Variants in ATP6V1B1 observed in about 807,000 individuals in gnomAD.
ATP6V1B1 encodes V-type proton ATPase subunit B, kidney isoform.
Under a neutral mutation model 62.1 loss-of-function variants are expected in ATP6V1B1, and 41 were observed. The observed-to-expected ratio is 0.66, with a 90% confidence interval of 0.51 to 0.86. The LOEUF (loss-of-function observed/expected upper bound fraction) is 0.86, where lower values mean the gene tolerates loss of function less well. Ranked by LOEUF, ATP6V1B1 falls within the 40% of genes least tolerant of loss-of-function variation. The pLI is 0.00. For missense variants in ATP6V1B1, 651 were observed against 697.5 expected, an observed-to-expected ratio of 0.93 and a Z score of 0.75; for synonymous variants, 253 against 273.4, an observed-to-expected ratio of 0.93 and a Z score of 0.74.
At chr2:70,964,335 G>A (rs1398842522) in intron 11 of ATP6V1B1, 103 bp from the exon 12 acceptor site, 15 of 1,243,294 alleles carry the variant, frequency 1.2e-5, no homozygotes, top group Middle Eastern at 3.7e-4. Flanking sequence ...TTGACCCCTC[G>A]GAATGTAGGA....
chr2:70,962,429 G>A (rs1553420240), intron 8 of ATP6V1B1, among the ~76,000 whole-genome samples: 1 of 152,156 alleles, frequency 6.6e-6, no homozygotes, highest in East Asian at 1.9e-4. Context: ...CTCATCTACA[G>A]TGTGATATGC....
At chr2:70,960,785 G>C in intron 6 of ATP6V1B1, 136 bp from the exon 7 acceptor site, 1 of 338,382 alleles carries the variant, frequency 3.0e-6, no homozygotes, top group Non-Finnish European at 5.6e-6. Context: ...CCCCAAGAAA[G>C]ACTAGCACCT....
intron 2 of ATP6V1B1, among the ~76,000 whole-genome samples, chr2:70,945,715 TA>T (rs1558670958): frequency 8.3e-6 from 1 of 120,816 alleles, no homozygotes; most frequent in African/African-American, 3.8e-5. Context: ...TATATATATA[TA>T]TATATATATA....
Position 70,959,849 on chromosome 2 carries a change from CAG to C in ATP6V1B1, c.446-89_446-88del, listed in dbSNP as rs1259819980. On this transcript the variant is annotated intron_variant, in intron 5 of 13. Coordinates refer to ENST00000234396, the MANE Select transcript of ATP6V1B1 (RefSeq NM_001692.4). This position sits in a 1 kb window ranked among gnomAD's most constrained non-coding sequence, Gnocchi z 4.2. ...TATCATCACAGAAAGTTCCGTCAAA[CAG>C]GGCGGCTCTGGAGTCTGGGGTCAGT... The C allele has an allele frequency of 1.9e-6, 3 of 1,602,786 alleles. No individual in the cohort carries two copies. The highest frequency in any genetic ancestry group is 2.6e-6 in the Non-Finnish European group (3 of 1,171,820).
At position 70,964,960 on chromosome 2, in the gene ATP6V1B1, C is replaced by A. The variant is rs782118034; in HGVS notation, c.1381C>A (p.Pro461Thr). The change falls in exon 14 of 14, where the codon CCC (proline) becomes ACC (threonine). Residue 461 changes from proline (P) to threonine (T), a missense_variant and splice_region_variant. By Grantham distance (38) the Pro-to-Thr change is conservative. Transcript: ENST00000234396. ...KFEKNFINQGPYENRSVFESL... is the reference protein window; with the variant it reads ...KFEKNFINQGTYENRSVFESL... ...ACTCCCTCCCGCTCTGTCCCTAGGCCCCTACGAGAACCGCTCGGTGTTCGA... is the reference window on the plus strand; with the variant it reads ...ACTCCCTCCCGCTCTGTCCCTAGGCACCTACGAGAACCGCTCGGTGTTCGA... 1 of 1,614,040 alleles carries A rather than the reference C, an allele frequency of 6.2e-7. No individual in the cohort carries two copies. Among genetic ancestry groups the A allele is most frequent in the South Asian group, 1.1e-5 (1 of 91,092 alleles).
chr2:70,963,254 CGTGGAG>C lies in ATP6V1B1; in HGVS notation c.1004_1009del (p.Val335_Glu336del). On this transcript the variant is annotated inframe_deletion, in exon 10 of 14. Transcript: ENST00000234396. The surrounding 1 kb of genome is among the most constrained non-coding windows in gnomAD (Gnocchi z 4.3). Reference sequence around the variant, plus strand: ...CCACCATCTACGAGCGGGCGGGCCGCGTGGAGGGTCGGGGAGGATCCATCACACAGA... The same window carrying C: ...CCACCATCTACGAGCGGGCGGGCCGCGGTCGGGGAGGATCCATCACACAGA... The C allele has an allele frequency of 6.2e-7, 1 of 1,613,596 alleles. No individual in the cohort carries two copies. Among genetic ancestry groups the C allele is most frequent in the Non-Finnish European group, 8.5e-7 (1 of 1,179,914 alleles).
chr2:70,957,930 T>G, intron 2 of ATP6V1B1, 116 bp from the exon 3 acceptor site: 1 of 952,730 alleles, frequency 1.0e-6, no homozygotes, highest in Non-Finnish European at 1.6e-6. Flanking sequence ...TTTCCACAAG[T>G]GTCTGGACAC....
intron 2 of ATP6V1B1, among the ~76,000 whole-genome samples, chr2:70,945,123 T>C (rs782190781): frequency 5.3e-5 from 8 of 152,206 alleles, no homozygotes; most frequent in Non-Finnish European, 5.9e-5. Flanking sequence ...AAAAATGTGA[T>C]CAGTAATGTA....
chr2:70,964,068 A>G (rs1189989948), intron 11 of ATP6V1B1: 2 of 366,426 alleles, frequency 5.5e-6, no homozygotes, highest in African/African-American at 4.5e-5. Context: ...TCCTGTGTGT[A>G]GGTTAAAGGT....
Position 70,960,043 on chromosome 2 carries a change from C to T in ATP6V1B1, c.550C>T (p.Pro184Ser). 6.2e-7 allele frequency: 1 copy of T among 1,614,222 alleles called. No individual in the cohort carries two copies. Among genetic ancestry groups the T allele is most frequent in the Non-Finnish European group, 8.5e-7 (1 of 1,180,054 alleles). Reference sequence around the variant, plus strand: ...CAGCATTGCCCGCGGCCAGAAGATCCCCATCTTCTCAGCAGCCGGGCTCCC... The same window carrying T: ...CAGCATTGCCCGCGGCCAGAAGATCTCCATCTTCTCAGCAGCCGGGCTCCC... ...MNSIARGQKI[P>S]IFSAAGLPHN... Residue 184 changes from proline to serine, a missense_variant, in exon 6 of 14, where the codon CCC becomes TCC. Transcript: ENST00000234396.
chr2:70,954,970 G>A (rs1272096562), intron 2 of ATP6V1B1, among the ~76,000 whole-genome samples: 1 of 152,186 alleles, frequency 6.6e-6, no homozygotes, highest in Non-Finnish European at 1.5e-5. Flanking sequence ...AATGGGGATG[G>A]TGTGCTCTGC....
chr2:70,936,184 G>C (rs1428125876), intron 1 of ATP6V1B1, 112 bp downstream of exon 1: 1 of 1,122,656 alleles, frequency 8.9e-7, no homozygotes, highest in African/African-American at 1.5e-5. Flanking sequence ...CCCAAGACCT[G>C]GGGAGACCTG....
In ATP6V1B1 at chr2:70,958,059, C is replaced by T. The variant is rs782409504; in HGVS notation, c.188C>T (p.Ala63Val). ...VLDRVKFAQYAEIVHFTLPDG... is the reference protein window; with the variant it reads ...VLDRVKFAQYVEIVHFTLPDG... ...CCCTCCTGCCAGTTTGCCCAGTATGCGGAGATCGTCCACTTCACCCTCCCA... is the reference window on the plus strand; with the variant it reads ...CCCTCCTGCCAGTTTGCCCAGTATGTGGAGATCGTCCACTTCACCCTCCCA... Residue 63 changes from alanine (A) to valine (V), a missense_variant, in exon 3 of 14, where the codon GCG becomes GTG. Ala to Val is a moderately conservative substitution (Grantham distance 64). Transcript: ENST00000234396. The T allele has an allele frequency of 2.0e-5, 33 of 1,613,838 alleles. No homozygotes were observed. Among genetic ancestry groups the T allele is most frequent in the South Asian group, 5.5e-5 (5 of 91,006 alleles).
intron 2 of ATP6V1B1, among the ~76,000 whole-genome samples, chr2:70,949,734 C>T (rs1332049647): frequency 6.6e-6 from 1 of 152,180 alleles, no homozygotes; most frequent in Non-Finnish European, 1.5e-5. Context: ...TGAAATCTTC[C>T]TACCAAGCAA....
At chr2:70,947,910 T>A (rs1553417647) in intron 2 of ATP6V1B1, among the ~76,000 whole-genome samples, 1 of 152,126 alleles carries the variant, frequency 6.6e-6, no homozygotes, top group Non-Finnish European at 1.5e-5. Flanking sequence ...AGATACAAGC[T>A]CCTGGACTAG....
Position 70,955,887 on chromosome 2 carries a change from A to AT in ATP6V1B1, c.175-2149dup, listed in dbSNP as rs1362762107. On this transcript the variant is annotated intron_variant, in intron 2 of 13. Transcript: ENST00000234396. ...TGAAAAGAGTTAACAGTTTATTATA[A>AT]TTTTTTTTTTCACAATCTAGGAAGC... is the stretch of plus-strand genomic sequence containing the variant. 393 of 153,868 alleles carry AT rather than the reference A, an allele frequency of 2.6e-3. 1 individual carries two copies. The highest frequency in any genetic ancestry group is 7.8e-3 in the South Asian group (37 of 4,750). 9.5% of individuals were successfully genotyped at this position (153,868 alleles called of 1,614,324 possible).
intron 6 of ATP6V1B1, 25 bp downstream of exon 6, chr2:70,960,103 A>G (rs782556788): frequency 6.2e-7 from 1 of 1,613,716 alleles, no homozygotes; most frequent in Non-Finnish European, 8.5e-7. Flanking sequence ...GCCAGCAGGC[A>G]TGGCTGGGGG....
intron 1 of ATP6V1B1, chr2:70,941,620 C>A: frequency 1.2e-6 from 1 of 828,662 alleles, no homozygotes; most frequent in Non-Finnish European, 1.5e-6. Context: ...TTCTTTTAGC[C>A]TGTAGGCACT....
At chr2:70,941,802 A>C (rs534865146) in intron 1 of ATP6V1B1, 1 of 985,710 alleles carries the variant, frequency 1.0e-6, no homozygotes, top group East Asian at 1.1e-4. Flanking sequence ...CCAGCACCCA[A>C]AGGTCTGAGA....
Sources: allele counts gnomAD v4.1 joint callset (sites outside exome capture counted in the v4.1 genomes callset), GRCh38; gene constraint gnomAD v4.1.1; non-coding constraint Gnocchi (gnomAD v3.1); transcripts MANE v1.5; gene names NCBI Gene and HGNC (gene_info 2026-07-23, HGNC 2026-07-21).